NCMAP: variants seen among roughly 807,000 people sequenced by gnomAD.
NCMAP encodes non-compact myelin associated protein.
A neutral mutation model predicts 7.8 loss-of-function variants in NCMAP; 8 were observed. The ratio of observed to expected loss-of-function variants is 1.02; its 90% CI spans 0.60 to 1.84. The LOEUF (loss-of-function observed/expected upper bound fraction) is 1.84, where lower values mean the gene tolerates loss of function less well. Ranked by LOEUF, NCMAP falls within the 40% of genes most tolerant of loss-of-function variation. The probability of loss-of-function intolerance (pLI) is 0.00; values close to 1 mark genes in which losing one functional copy is unlikely to be tolerated. For missense variants in NCMAP, 112 were observed against 131.4 expected, an observed-to-expected ratio of 0.85 and a Z score of 0.72; for synonymous variants, 41 against 52.9, an observed-to-expected ratio of 0.78 and a Z score of 0.98.
chr1:24,599,007 T>C (rs924336465), intron 2 of NCMAP, among the ~76,000 whole-genome samples: 1 of 151,228 alleles, frequency 6.6e-6, no homozygotes, highest in Non-Finnish European at 1.5e-5. Context: ...AGGCCGGGTG[T>C]GGTGGCTCAC....
chr1:24,561,543 C>T (rs566993850), intron 1 of NCMAP, among the ~76,000 whole-genome samples: 3 of 152,278 alleles, frequency 2.0e-5, no homozygotes, highest in Non-Finnish European at 4.4e-5. Context: ...AGCTAACAAG[C>T]ACAGGGATGA....
intron 1 of NCMAP, among the ~76,000 whole-genome samples, chr1:24,563,140 GA>G (rs1460871719): frequency 6.6e-6 from 1 of 152,226 alleles, no homozygotes; most frequent in Non-Finnish European, 1.5e-5. Context: ...GGAGATAAAG[GA>G]AGAAATTCAT....
rs569090126 is a variant in NCMAP at position 24,605,705 on chromosome 1, T to G, written c.267T>G (p.Thr89=). 6.2e-7 allele frequency: 1 copy of G among 1,614,172 alleles called. No homozygotes were observed. The highest frequency in any genetic ancestry group is 8.5e-7 in the Non-Finnish European group (1 of 1,180,024). Residue 89 remains threonine (T), a synonymous_variant, in exon 4 of 4, where the codon ACT becomes ACG. Coordinates refer to ENST00000374392, the MANE Select transcript of NCMAP (RefSeq NM_001010980.5). The part of the protein sequence containing the change: ...PNSNGSQHPA[T]VTFSPVDVQV... ...GCAACGGCAGCCAACACCCAGCAACTGTGACCTTCAGTCCTGTTGACGTCC... is the reference window on the plus strand; with the variant it reads ...GCAACGGCAGCCAACACCCAGCAACGGTGACCTTCAGTCCTGTTGACGTCC...
chr1:24,596,327 TG>T (rs1652225208), intron 2 of NCMAP, among the ~76,000 whole-genome samples: 1 of 152,074 alleles, frequency 6.6e-6, no homozygotes, highest in Non-Finnish European at 1.5e-5. Context: ...TAAAAAGTCT[TG>T]GGACCTAGAA....
At chr1:24,597,752 G>T (rs781692783) in intron 2 of NCMAP, among the ~76,000 whole-genome samples, 1 of 152,060 alleles carries the variant, frequency 6.6e-6, no homozygotes, top group Non-Finnish European at 1.5e-5. Context: ...GCTAGATAGG[G>T]TTACCAGATT....
At chr1:24,572,478 A>T (rs916066966) in intron 1 of NCMAP, among the ~76,000 whole-genome samples, 1 of 150,544 alleles carries the variant, frequency 6.6e-6, no homozygotes, top group Non-Finnish European at 1.5e-5. Flanking sequence ...GGTAACAGAT[A>T]TGGTTCTGGG....
At chr1:24,591,859 G>C (rs951836327) in intron 1 of NCMAP, among the ~76,000 whole-genome samples, 2 of 152,212 alleles carry the variant, frequency 1.3e-5, no homozygotes, top group Non-Finnish European at 2.9e-5. Flanking sequence ...TAGATTAACA[G>C]GGCCAGGCCA....
chr1:24,590,507 C>T (rs943885612), intron 1 of NCMAP, among the ~76,000 whole-genome samples: 5 of 152,124 alleles, frequency 3.3e-5, no homozygotes, highest in South Asian at 2.1e-4. Flanking sequence ...GAGGCAGGGC[C>T]GGCATCTCCC....
At chr1:24,557,513 A>G (rs1188128554) in intron 1 of NCMAP, among the ~76,000 whole-genome samples, 1 of 152,104 alleles carries the variant, frequency 6.6e-6, no homozygotes, top group Non-Finnish European at 1.5e-5. Flanking sequence ...CAGCCAGAGC[A>G]CCGGGATAGA....
At chr1:24,586,232 G>A (rs1314051377) in intron 1 of NCMAP, among the ~76,000 whole-genome samples, 1 of 152,120 alleles carries the variant, frequency 6.6e-6, no homozygotes, top group Non-Finnish European at 1.5e-5. Context: ...CATGAGCCCC[G>A]AGACAATGTG....
chr1:24,580,308 G>T (rs185097827), intron 1 of NCMAP, among the ~76,000 whole-genome samples: 1 of 152,348 alleles, frequency 6.6e-6, no homozygotes, highest in East Asian at 1.9e-4. Context: ...ATGTCAGGCA[G>T]TGCAGGGTTA....
intron 1 of NCMAP, among the ~76,000 whole-genome samples, chr1:24,578,560 CT>C (rs555342098): frequency 0.043 from 4,645 of 107,376 alleles, 278 homozygotes; most frequent in African/African-American, 0.19. Flanking sequence ...TTCTTTCTTT[CT>C]TTTTTTTTTT....
At chr1:24,557,268 G>A (rs185204948) in intron 1 of NCMAP, among the ~76,000 whole-genome samples, 58 of 152,262 alleles carry the variant, frequency 3.8e-4, no homozygotes, top group Middle Eastern at 3.4e-3. Flanking sequence ...ATTTACAGAT[G>A]GCTGGTTCTA....
rs577724602 is a variant in NCMAP at position 24,565,332 on chromosome 1, AC to A, written c.-8+9165del. The stretch of plus-strand genomic sequence containing the variant: ...GGACACATACATCCTGGATCCAGGG[AC>A]CTGGAAGCTGATACACTGTAACTGC... On this transcript the variant is annotated intron_variant, in intron 1 of 3. Transcript: ENST00000374392. 5.3e-5 allele frequency among the ~76,000 whole-genome samples: 8 copies of A among 152,020 alleles called. No homozygotes were observed. The East Asian group carries it at 1.4e-3, about 26-fold the overall frequency.
rs1652711319 is a variant in NCMAP, at chr1:24,605,910, T to G, written c.*163T>G. ...GCTTCCAGCAATCCTCAACCTTGTC[T>G]GCCCTGCCCTACCCCAACTGTGTCC... On this transcript the variant is annotated 3_prime_UTR_variant, in exon 4 of 4. Transcript: ENST00000374392. 1.2e-6 allele frequency: 1 copy of G among 806,042 alleles called. No individual in the cohort carries two copies. Among genetic ancestry groups the G allele is most frequent in the Non-Finnish European group, 1.9e-6 (1 of 523,306 alleles). 49.9% of individuals were successfully genotyped at this position (806,042 alleles called of 1,614,324 possible).
chr1:24,574,060 G>A (rs1169690501), intron 1 of NCMAP, among the ~76,000 whole-genome samples: 1 of 149,622 alleles, frequency 6.7e-6, no homozygotes, highest in Non-Finnish European at 1.5e-5. Context: ...AGGCCCCCTG[G>A]CCCTTGGACT....
rs1652738346 is a variant in NCMAP, at chr1:24,606,542, G to A, written c.*795G>A. 1 of 150,516 alleles carries A rather than the reference G, an allele frequency of 6.6e-6. No homozygotes were observed. The highest frequency in any genetic ancestry group is 1.5e-5 in the Non-Finnish European group (1 of 68,132). The allele number at this position is 150,516 out of a possible 1,614,324, so 9.3% of individuals were successfully genotyped here. On this transcript the variant is annotated 3_prime_UTR_variant, in exon 4 of 4. Coordinates refer to ENST00000374392, the MANE Select transcript of NCMAP (RefSeq NM_001010980.5). ...TTTGGCTCCCCTTTATCTGGATTCT[G>A]AGCACGCTGACTGTCCTGTTAATGC...
chr1:24,576,194 C>T lies in NCMAP; in HGVS notation c.-7-19230C>T, dbSNP rs1570521976. On this transcript the variant is annotated intron_variant, in intron 1 of 3. Coordinates refer to ENST00000374392, the MANE Select transcript of NCMAP (RefSeq NM_001010980.5). This position sits in a 1 kb window ranked among gnomAD's most constrained non-coding sequence, Gnocchi z 4.0. ...TCCAGTTTCCCAGCCACAGAAAGGCCACTTAGGTCTGTGCGGCATCCACAT... is the reference window on the plus strand; with the variant it reads ...TCCAGTTTCCCAGCCACAGAAAGGCTACTTAGGTCTGTGCGGCATCCACAT... Among the ~76,000 whole-genome samples the T allele has an allele frequency of 2.0e-5, 3 of 152,252 alleles. No individual in the cohort carries two copies. The highest frequency in any genetic ancestry group is 6.5e-5 in the Admixed American group (1 of 15,286).
At chr1:24,585,864 C>A (rs1417196031) in intron 1 of NCMAP, among the ~76,000 whole-genome samples, 3 of 152,194 alleles carry the variant, frequency 2.0e-5, no homozygotes, top group African/African-American at 4.8e-5. Context: ...TGCTCAGATC[C>A]CCTCCTTGGG....
Sources: allele counts gnomAD v4.1 joint callset (sites outside exome capture counted in the v4.1 genomes callset), GRCh38; gene constraint gnomAD v4.1.1; non-coding constraint Gnocchi (gnomAD v3.1); transcripts MANE v1.5; gene names NCBI Gene and HGNC (gene_info 2026-07-23, HGNC 2026-07-21).